Variants in DNAJC1 observed in about 807,000 individuals in gnomAD.
DNAJC1 encodes the protein DnaJ heat shock protein family (Hsp40) member C1, also known as dnaJ homolog subfamily C member 1.
In DNAJC1, 58 loss-of-function variants were observed where a neutral mutation model predicts 76.6. The ratio of observed to expected loss-of-function variants is 0.76; its 90% confidence interval spans 0.61 to 0.94. The LOEUF (loss-of-function observed/expected upper bound fraction) is 0.94. Among genes scored for constraint, DNAJC1 ranks in the 40% least tolerant of loss-of-function variants. DNAJC1 has a pLI of 0.00. For missense variants in DNAJC1, 689 were observed against 677.3 expected (o/e 1.02, Z -0.19); for synonymous variants, 258 against 267.9 (o/e 0.96, Z 0.36).
At chr10:21,991,762 G>A (rs935999744) in intron 1 of DNAJC1, among the ~76,000 whole-genome samples, 2 of 152,132 alleles carry the variant, frequency 1.3e-5, no homozygotes, top group East Asian at 1.9e-4. Flanking sequence ...CAGTACAAAT[G>A]AGAAACCAAA....
chr10:21,855,239 C>T (rs538594174), intron 8 of DNAJC1, among the ~76,000 whole-genome samples: 3 of 152,194 alleles, frequency 2.0e-5, no homozygotes, highest in East Asian at 3.9e-4. Flanking sequence ...AAATCACTGG[C>T]CCTTTTCTGT....
intron 1 of DNAJC1, among the ~76,000 whole-genome samples, chr10:21,955,684 T>C (rs893882153): frequency 1.3e-5 from 2 of 152,188 alleles, no homozygotes; most frequent in African/African-American, 4.8e-5. Context: ...TCGTATTTTA[T>C]TAAAATTTTA....
rs542985729 is a variant in DNAJC1, at chr10:21,881,654, A to G, written c.978+628T>C. Among the ~76,000 whole-genome samples, 9 of 152,142 alleles carry G rather than the reference A, an allele frequency of 5.9e-5. No homozygotes were observed. The South Asian group carries it at 1.0e-3, about 18-fold the overall frequency. On this transcript the variant is annotated intron_variant, in intron 8 of 11. Transcript: ENST00000376980. ...CATGTGTGCACTTCACGGTACCCCA[A>G]ATAATTATAACAGTAACGTCAGAGG...
At chr10:21,989,946 A>C (rs1259166462) in intron 1 of DNAJC1, among the ~76,000 whole-genome samples, 1 of 152,244 alleles carries the variant, frequency 6.6e-6, no homozygotes, top group Non-Finnish European at 1.5e-5. Context: ...ATAATATTTC[A>C]ATTATCAAAG....
At chr10:21,992,116 G>T (rs568972005) in intron 1 of DNAJC1, among the ~76,000 whole-genome samples, 8 of 152,300 alleles carry the variant, frequency 5.3e-5, no homozygotes, top group African/African-American at 1.7e-4. Context: ...TTCGAGACCA[G>T]CCTGACCAAT....
At chr10:21,791,391 GA>G (rs1390505700) in intron 9 of DNAJC1, among the ~76,000 whole-genome samples, 1 of 152,084 alleles carries the variant, frequency 6.6e-6, no homozygotes, top group Non-Finnish European at 1.5e-5. Flanking sequence ...AGACCAAATG[GA>G]ACTAACAGAC....
chr10:21,908,278 A>AT (rs1836792574), intron 6 of DNAJC1, among the ~76,000 whole-genome samples: 1 of 123,042 alleles, frequency 8.1e-6, no homozygotes, highest in Non-Finnish European at 1.6e-5. Flanking sequence ...TTTTATATAT[A>AT]TATATATATA....
intron 1 of DNAJC1, among the ~76,000 whole-genome samples, chr10:21,935,301 CA>C (rs940444640): frequency 6.6e-6 from 1 of 151,674 alleles, no homozygotes; most frequent in Non-Finnish European, 1.5e-5. Flanking sequence ...TTTAAAAAAA[CA>C]AAACAGAAAT....
At chr10:21,912,330 T>C (rs1404004298) in intron 6 of DNAJC1, among the ~76,000 whole-genome samples, 4 of 152,226 alleles carry the variant, frequency 2.6e-5, no homozygotes, top group African/African-American at 9.6e-5. Flanking sequence ...GATGAGACTA[T>C]ATGTTGCTAA....
chr10:21,960,444 C>T (rs1018851859), intron 1 of DNAJC1, among the ~76,000 whole-genome samples: 1 of 152,138 alleles, frequency 6.6e-6, no homozygotes, highest in Non-Finnish European at 1.5e-5. Context: ...ACAACTAAGG[C>T]CGGGTGCCTA....
chr10:21,923,753 T>G (rs560873731), intron 3 of DNAJC1, among the ~76,000 whole-genome samples: 2 of 152,032 alleles, frequency 1.3e-5, no homozygotes, highest in South Asian at 4.1e-4. Flanking sequence ...AAATAATGGT[T>G]ACATACTCAT....
intron 8 of DNAJC1, among the ~76,000 whole-genome samples, chr10:21,824,396 A>G (rs1314812381): frequency 6.6e-6 from 1 of 152,240 alleles, no homozygotes; most frequent in African/African-American, 2.4e-5. Context: ...AGGTATACAA[A>G]CATGCGGTGA....
At chr10:21,794,031 T>C (rs1019912969) in intron 9 of DNAJC1, among the ~76,000 whole-genome samples, 2 of 151,988 alleles carry the variant, frequency 1.3e-5, no homozygotes, top group African/African-American at 2.4e-5. Context: ...TCCCAACACT[T>C]TGGGAGGCTG....
chr10:21,816,598 T>G (rs1441520560), intron 8 of DNAJC1, among the ~76,000 whole-genome samples: 5 of 145,538 alleles, frequency 3.4e-5, no homozygotes, highest in South Asian at 4.4e-4. Flanking sequence ...CAGGCTGGAG[T>G]GCAGTGGTGC....
chr10:21,846,302 C>T (rs2131683758), intron 8 of DNAJC1, among the ~76,000 whole-genome samples: 1 of 152,220 alleles, frequency 6.6e-6, no homozygotes, highest in East Asian at 1.9e-4. Context: ...AAGGTAGATA[C>T]CTGCTACTTT....
At chr10:21,891,504 A>G (rs1248878733) in intron 7 of DNAJC1, among the ~76,000 whole-genome samples, 3 of 151,022 alleles carry the variant, frequency 2.0e-5, no homozygotes, top group African/African-American at 7.3e-5. Flanking sequence ...AAGAAAAGAA[A>G]AAAAAAAGAA....
chr10:21,758,009 G>A (rs893724077), intron 11 of DNAJC1, among the ~76,000 whole-genome samples: 5 of 152,128 alleles, frequency 3.3e-5, no homozygotes, highest in African/African-American at 1.2e-4. Context: ...AGAGAAATTC[G>A]GGTAGAATAG....
At chr10:21,824,804 G>A (rs530307044) in intron 8 of DNAJC1, among the ~76,000 whole-genome samples, 9 of 151,676 alleles carry the variant, frequency 5.9e-5, no homozygotes, top group East Asian at 1.9e-4. Context: ...ATGGTGTTTC[G>A]CTCTTATTGC....
intron 8 of DNAJC1, among the ~76,000 whole-genome samples, chr10:21,839,482 A>T (rs1835532790): frequency 6.6e-6 from 1 of 152,210 alleles, no homozygotes; most frequent in East Asian, 1.9e-4. Context: ...CCTCTACGCA[A>T]ATAAACTAGA....
Sources: gnomAD v4.1 joint callset for allele counts (sites outside exome capture counted in the v4.1 genomes callset) on GRCh38, gnomAD v4.1.1 for gene constraint, MANE v1.5 for transcripts, NCBI Gene and HGNC (gene_info 2026-07-23, HGNC 2026-07-21) for gene names.